The following CSMD1 variants were observed in gnomAD, a reference collection of about 807,000 sequenced individuals.
CSMD1 encodes the protein CUB and sushi domain-containing protein 1.
A neutral mutation model predicts 417.5 loss-of-function variants in CSMD1; 213 were observed. The observed-to-expected ratio is 0.51, with a 90% CI of 0.46 to 0.57. The LOEUF is 0.57. CSMD1 is among the 20% of genes least tolerant of loss of function. The pLI, the probability that CSMD1 is intolerant of heterozygous loss-of-function variation, is 0.00. For synonymous variants in CSMD1, 2,862 were observed against 1,736.8 expected (o/e 1.65, Z -16.11); for missense variants, 6,923 against 4,529.7 (o/e 1.53, Z -15.17).
At chr8:3,882,370 A>G (rs944152234) in intron 5 of CSMD1, among the ~76,000 whole-genome samples, 5 of 152,248 alleles carry the variant, frequency 3.3e-5, no homozygotes, top group Non-Finnish European at 5.9e-5. Context: ...CATCCCCACT[A>G]GAATGGTTAA....
chr8:4,014,815 A>G (rs928363707), intron 4 of CSMD1, among the ~76,000 whole-genome samples: 3 of 152,212 alleles, frequency 2.0e-5, no homozygotes, highest in African/African-American at 4.8e-5. Flanking sequence ...TTACAGCTCT[A>G]TAACCTAACA....
chr8:3,613,533 T>C (rs193296460), intron 8 of CSMD1, among the ~76,000 whole-genome samples: 3 of 151,820 alleles, frequency 2.0e-5, no homozygotes, highest in African/African-American at 7.2e-5. Context: ...AATTCAACAA[T>C]CCATAAAAAG....
chr8:3,661,779 G>C (rs977352518), intron 7 of CSMD1, among the ~76,000 whole-genome samples: 6 of 152,042 alleles, frequency 3.9e-5, no homozygotes, highest in East Asian at 3.9e-4. Flanking sequence ...TGACAGGCCT[G>C]AGCCACCATG....
At chr8:3,088,082 G>T (rs544106429) in intron 48 of CSMD1, among the ~76,000 whole-genome samples, 1 of 152,142 alleles carries the variant, frequency 6.6e-6, no homozygotes, top group Non-Finnish European at 1.5e-5. Flanking sequence ...GCATTCTCTT[G>T]AGTCAATTAC....
intron 36 of CSMD1, among the ~76,000 whole-genome samples, chr8:3,181,644 C>T (rs914630370): frequency 3.9e-5 from 6 of 152,298 alleles, no homozygotes; most frequent in Admixed American, 2.6e-4. Flanking sequence ...GAAGACGTTG[C>T]TTTTGACCCT....
chr8:4,976,351 T>A (rs1389247437), intron 1 of CSMD1, among the ~76,000 whole-genome samples: 2 of 152,224 alleles, frequency 1.3e-5, no homozygotes, highest in Non-Finnish European at 2.9e-5. Flanking sequence ...TTTCAATACA[T>A]CTTAACATAA....
At chr8:4,936,427 G>GA (rs1293357827) in intron 1 of CSMD1, among the ~76,000 whole-genome samples, 4 of 152,036 alleles carry the variant, frequency 2.6e-5, no homozygotes, top group Admixed American at 6.6e-5. Context: ...GATATAAATA[G>GA]AAAAAAATAG....
intron 5 of CSMD1, among the ~76,000 whole-genome samples, chr8:3,898,414 A>G (rs1005552568): frequency 2.0e-5 from 3 of 152,234 alleles, no homozygotes; most frequent in Non-Finnish European, 4.4e-5. Context: ...GTGCCATTAT[A>G]AAGTGTTAAA....
intron 12 of CSMD1, among the ~76,000 whole-genome samples, chr8:3,460,605 A>T (rs991327337): frequency 6.6e-6 from 1 of 152,164 alleles, no homozygotes; most frequent in African/African-American, 2.4e-5. Context: ...AGGGTAAGAG[A>T]ATGAAGATAA....
At chr8:4,420,421 G>C (rs749345772) in intron 2 of CSMD1, among the ~76,000 whole-genome samples, 1 of 151,814 alleles carries the variant, frequency 6.6e-6, no homozygotes. Flanking sequence ...ATATGTGCAG[G>C]TTTATTAGGT....
At chr8:3,517,782 A>G (rs10091920) in intron 10 of CSMD1, among the ~76,000 whole-genome samples, 23,455 of 152,146 alleles carry the variant, frequency 0.15, 1,993 homozygotes, top group Admixed American at 0.22. Context: ...AATTTGTAAC[A>G]AAAAATAACG....
chr8:4,708,958 G>A (rs1314542794), intron 1 of CSMD1, among the ~76,000 whole-genome samples: 1 of 152,262 alleles, frequency 6.6e-6, no homozygotes, highest in Non-Finnish European at 1.5e-5. Flanking sequence ...CCTCAGAAAA[G>A]AGCAATCCTG....
rs1414275624 is a variant in CSMD1 at position 3,219,363 on chromosome 8, G to C, written c.4564C>G (p.Gln1522Glu). Residue 1522 changes from glutamine to glutamate, a missense_variant, in exon 29 of 70, where the codon CAG (glutamine) becomes GAG (glutamate). Transcript: ENST00000635120. ...ATTCTTTCTGGGGCCTGAGAGCCCT[G>C]GTAACTCCCAATGAGGGGGCTGTTG... is the stretch of plus-strand genomic sequence containing the variant. The part of the protein sequence containing the change: ...DSNSPLIGSY[Q>E]GSQAPERIES... 2 of 1,572,258 alleles carry C rather than the reference G, an allele frequency of 1.3e-6. No homozygotes were observed. The highest frequency in any genetic ancestry group is 1.2e-5 in the South Asian group (1 of 85,718).
At chr8:3,152,809 T>G (rs879394450) in intron 39 of CSMD1, among the ~76,000 whole-genome samples, 2 of 152,234 alleles carry the variant, frequency 1.3e-5, no homozygotes, top group African/African-American at 2.4e-5. Context: ...GGCTCCCATG[T>G]GCACTTTGTC....
chr8:3,848,018 T>C (rs1218430155), intron 5 of CSMD1, among the ~76,000 whole-genome samples: 1 of 151,900 alleles, frequency 6.6e-6, no homozygotes, highest in Non-Finnish European at 1.5e-5. Flanking sequence ...GGCACTTCTT[T>C]CCTGACACAT....
chr8:4,005,786 T>A (rs1816063994), intron 4 of CSMD1, among the ~76,000 whole-genome samples: 2 of 152,196 alleles, frequency 1.3e-5, no homozygotes, highest in Non-Finnish European at 2.9e-5. Flanking sequence ...GAATAATTAG[T>A]GTCAGAATCT....
chr8:4,498,284 T>A (rs1039144168), intron 2 of CSMD1, among the ~76,000 whole-genome samples: 2 of 152,186 alleles, frequency 1.3e-5, no homozygotes, highest in Non-Finnish European at 2.9e-5. Flanking sequence ...TCCAAGGTTA[T>A]TTGTGAGTGA....
intron 41 of CSMD1, among the ~76,000 whole-genome samples, chr8:3,129,758 G>A (rs535699246): frequency 6.6e-6 from 1 of 152,178 alleles, no homozygotes; most frequent in African/African-American, 2.4e-5. Context: ...GGAGGCTGAG[G>A]CAGGCAGGTC....
intron 7 of CSMD1, among the ~76,000 whole-genome samples, chr8:3,625,879 C>CAA (rs770342194): frequency 6.6e-6 from 1 of 152,064 alleles, no homozygotes; most frequent in Non-Finnish European, 1.5e-5. Context: ...CAGATATTAA[C>CAA]AATTATCTTT....
Sources: gnomAD v4.1 joint callset for allele counts (sites outside exome capture counted in the v4.1 genomes callset) on GRCh38, gnomAD v4.1.1 for gene constraint, MANE v1.5 for transcripts, NCBI Gene and HGNC (gene_info 2026-07-23, HGNC 2026-07-21) for gene names.